Variants in RUFY1 observed in about 807,000 individuals in gnomAD.
RUFY1 encodes RUN and FYVE domain-containing protein 1.
A neutral mutation model predicts 94.6 loss-of-function variants in RUFY1; 54 were observed. The ratio of observed to expected loss-of-function variants is 0.57; its 90% CI spans 0.46 to 0.72. The LOEUF (loss-of-function observed/expected upper bound fraction) is 0.72, where lower values mean the gene tolerates loss of function less well. Among genes scored for constraint, RUFY1 ranks in the 30% least tolerant of loss-of-function variants. The pLI, the probability that RUFY1 is intolerant of heterozygous loss-of-function variation, is 0.00. For missense variants in RUFY1, 883 were observed against 883.9 expected (o/e 1.00, Z 0.01); for synonymous variants, 396 against 347.3 (o/e 1.14, Z -1.56).
At chr5:179,582,058 T>A (rs957115646) in intron 7 of RUFY1, among the ~76,000 whole-genome samples, 3 of 152,072 alleles carry the variant, frequency 2.0e-5, no homozygotes, top group Non-Finnish European at 2.9e-5. Flanking sequence ...TTATTGAGAG[T>A]ATTTATAAGA....
chr5:179,593,439 C>A (rs1471221774), intron 10 of RUFY1, 39 bp from the exon 11 acceptor site: 1 of 1,570,198 alleles, frequency 6.4e-7, no homozygotes, highest in South Asian at 1.1e-5. Context: ...TTTCTGTGAT[C>A]TATTTTAATA....
intron 9 of RUFY1, among the ~76,000 whole-genome samples, chr5:179,590,329 G>A (rs1230124966): frequency 6.6e-6 from 1 of 150,824 alleles, no homozygotes; most frequent in Non-Finnish European, 1.5e-5. Flanking sequence ...ACTCCAGCCT[G>A]GGCCATAGAG....
intron 7 of RUFY1, among the ~76,000 whole-genome samples, chr5:179,581,824 A>T (rs1318667701): frequency 6.6e-6 from 1 of 151,672 alleles, no homozygotes; most frequent in Non-Finnish European, 1.5e-5. Context: ...AGCTGGGACT[A>T]CAAGCACACG....
chr5:179,603,168 G>A (rs1430508293), intron 15 of RUFY1, among the ~76,000 whole-genome samples: 2 of 151,950 alleles, frequency 1.3e-5, no homozygotes, highest in Non-Finnish European at 2.9e-5. Context: ...GGGAGGCTGA[G>A]ACAGCAGCAT....
At chr5:179,588,642 A>C (rs1764801374) in intron 8 of RUFY1, among the ~76,000 whole-genome samples, 1 of 152,208 alleles carries the variant, frequency 6.6e-6, no homozygotes, top group Admixed American at 6.5e-5. Flanking sequence ...AACTGGAAAG[A>C]AAGAAGAGTC....
intron 7 of RUFY1, 30 bp from the exon 8 acceptor site, chr5:179,585,766 A>G (rs762735818): frequency 2.0e-6 from 3 of 1,511,314 alleles, no homozygotes; most frequent in South Asian, 1.1e-5. Flanking sequence ...GTATAAGTTT[A>G]TGTTTACTTA....
intron 8 of RUFY1, among the ~76,000 whole-genome samples, chr5:179,588,467 G>A (rs1485658010): frequency 6.6e-6 from 1 of 152,170 alleles, no homozygotes; most frequent in Non-Finnish European, 1.5e-5. Context: ...CCTGGACAGC[G>A]TCCTGCTTCT....
intron 15 of RUFY1, chr5:179,603,545 C>G (rs957597494): frequency 1.3e-5 from 2 of 152,644 alleles, no homozygotes; most frequent in African/African-American, 2.4e-5. Context: ...GACGCAAGGC[C>G]CAGTGTCTGT....
intron 12 of RUFY1, among the ~76,000 whole-genome samples, chr5:179,595,370 CAAA>C (rs1361168905): frequency 6.6e-6 from 1 of 151,454 alleles, no homozygotes; most frequent in African/African-American, 2.4e-5. Context: ...CAAAACAAAA[CAAA>C]AAAAGGAGGG....
chr5:179,558,063 T>C (rs1762194752), intron 1 of RUFY1, among the ~76,000 whole-genome samples: 1 of 152,180 alleles, frequency 6.6e-6, no homozygotes, highest in Non-Finnish European at 1.5e-5. Context: ...AAGACTGCTG[T>C]ATATGTATTC....
chr5:179,589,269 T>G, intron 8 of RUFY1: 1 of 376,756 alleles, frequency 2.7e-6, no homozygotes, highest in South Asian at 2.9e-5. Flanking sequence ...TATAAATCTT[T>G]GTCCACATTC....
At chr5:179,581,960 C>G (rs546143118) in intron 7 of RUFY1, among the ~76,000 whole-genome samples, 2 of 152,138 alleles carry the variant, frequency 1.3e-5, no homozygotes, top group Non-Finnish European at 2.9e-5. Context: ...GCTAGAATTA[C>G]AGGCATGAGC....
Position 179,586,180 on chromosome 5 carries a change from C to A in RUFY1, c.1026+315C>A, listed in dbSNP as rs879426772. ...AGTGCCGTGTCTTCCTCTTTTTCTGCCCTTCCCATGATGCCGTGTGCCTCC... is the reference window on the plus strand; with the variant it reads ...AGTGCCGTGTCTTCCTCTTTTTCTGACCTTCCCATGATGCCGTGTGCCTCC... On this transcript the variant is annotated intron_variant, in intron 8 of 17. Coordinates refer to ENST00000319449, the MANE Select transcript of RUFY1 (RefSeq NM_025158.5). 34 of 440,962 alleles carry A rather than the reference C, an allele frequency of 7.7e-5. No individual in the cohort carries two copies. The East Asian group carries it at 1.7e-3, about 22-fold the overall frequency. 27.3% of individuals were successfully genotyped at this position (440,962 alleles called of 1,614,324 possible).
At chr5:179,559,493 G>A (rs571427248) in intron 1 of RUFY1, among the ~76,000 whole-genome samples, 9 of 152,356 alleles carry the variant, frequency 5.9e-5, no homozygotes, top group Non-Finnish European at 1.0e-4. Flanking sequence ...CAAGAGAGAA[G>A]GCTGGAAAAG....
intron 2 of RUFY1, among the ~76,000 whole-genome samples, chr5:179,560,725 CAAAAAAA>C (rs68093858): frequency 4.6e-4 from 36 of 78,804 alleles, no homozygotes; most frequent in South Asian, 3.1e-3. Flanking sequence ...GACTCCGTCT[CAAAAAAA>C]AAAAAAAAAA....
intron 5 of RUFY1, among the ~76,000 whole-genome samples, chr5:179,573,472 G>C (rs1030164291): frequency 6.6e-6 from 1 of 152,094 alleles, no homozygotes; most frequent in Non-Finnish European, 1.5e-5. Flanking sequence ...CTCACGTTTA[G>C]AGAGTGCTTT....
chr5:179,609,290 G>T, intron 17 of RUFY1, 86 bp from the exon 18 acceptor site: 1 of 1,390,972 alleles, frequency 7.2e-7, no homozygotes, highest in East Asian at 2.4e-5. Flanking sequence ...CCCAGCAAAT[G>T]ATGCGCTTCT....
At chr5:179,581,864 T>A (rs1037059035) in intron 7 of RUFY1, among the ~76,000 whole-genome samples, 14 of 151,950 alleles carry the variant, frequency 9.2e-5, no homozygotes, top group Admixed American at 5.3e-4. Context: ...TTTGTATTTT[T>A]TGTAGAGACA....
At chr5:179,564,354 A>C (rs896868158) in intron 3 of RUFY1, among the ~76,000 whole-genome samples, 6 of 150,700 alleles carry the variant, frequency 4.0e-5, no homozygotes, top group African/African-American at 1.5e-4. Context: ...TCCTGACCTC[A>C]GGTGATCCAT....
Sources: allele counts gnomAD v4.1 joint callset (sites outside exome capture counted in the v4.1 genomes callset), GRCh38; gene constraint gnomAD v4.1.1; transcripts MANE v1.5; gene names NCBI Gene and HGNC (gene_info 2026-07-23, HGNC 2026-07-21).